The following PPARA variants were observed in gnomAD, a reference collection of about 807,000 sequenced individuals.
The protein encoded by PPARA is peroxisome proliferator activated receptor alpha.
In PPARA, 22 loss-of-function variants were observed where a neutral mutation model predicts 42.2. The observed-to-expected ratio is 0.52, with a 90% CI of 0.37 to 0.74. The LOEUF (loss-of-function observed/expected upper bound fraction) is 0.74. PPARA is among the 30% of genes least tolerant of loss of function. PPARA has a pLI of 0.00. For missense variants in PPARA, 465 were observed against 608.2 expected, an observed-to-expected ratio of 0.76 and a Z score of 2.48; for synonymous variants, 242 against 239.3, an observed-to-expected ratio of 1.01 and a Z score of -0.10.
Position 46,174,642 on chromosome 22 carries a change from C to T in PPARA, c.-126-2111C>T, listed in dbSNP as rs1004364223. Reference sequence around the variant, plus strand: ...GAACAGCCTGGGAAACATAGTGAGACCCTGTCTCTACAAAAATTTAAAAAA... The same window carrying T: ...GAACAGCCTGGGAAACATAGTGAGATCCTGTCTCTACAAAAATTTAAAAAA... On this transcript the variant is annotated intron_variant, in intron 2 of 8. Transcript: ENST00000407236. 1.3e-4 allele frequency among the ~76,000 whole-genome samples: 20 copies of T among 151,586 alleles called. 1 individual carries two copies. Among genetic ancestry groups the T allele is most frequent in the African/African-American group, 4.9e-4 (20 of 40,944 alleles).
Position 46,161,294 on chromosome 22 carries a change from C to T in PPARA, c.-127+9324C>T, listed in dbSNP as rs1926128805. 6.6e-6 allele frequency among the ~76,000 whole-genome samples: 1 copy of T among 152,156 alleles called. No individual in the cohort carries two copies. The highest frequency in any genetic ancestry group is 6.5e-5 in the Admixed American group (1 of 15,272). On this transcript the variant is annotated intron_variant, in intron 2 of 8. Coordinates refer to ENST00000407236, the MANE Select transcript of PPARA (RefSeq NM_005036.6). This position sits in a 1 kb window ranked among gnomAD's most constrained non-coding sequence, Gnocchi z 4.8. ...TGTGTGCCCAATTATGGTATCAGGT[C>T]TGTTGTAGACTCTTCAAGGAGGAAG...
chr22:46,179,881 A>C lies in PPARA; in HGVS notation c.-43+3045A>C, dbSNP rs564912004. On this transcript the variant is annotated intron_variant, in intron 3 of 8. Transcript: ENST00000407236. Reference sequence around the variant, plus strand: ...AAACTCACCTAGAAGAAAATAACCCAGTTTTAAAAATGGGCAAGAGATCTG... The same window carrying C: ...AAACTCACCTAGAAGAAAATAACCCCGTTTTAAAAATGGGCAAGAGATCTG... 2.6e-5 allele frequency among the ~76,000 whole-genome samples: 4 copies of C among 152,358 alleles called. No homozygotes were observed. In the South Asian group the frequency reaches 8.3e-4, roughly 32 times the overall value.
rs1356360489 is a variant in PPARA, at chr22:46,216,150, A to C, written c.369+817A>C. On this transcript the variant is annotated intron_variant, in intron 5 of 8. Coordinates refer to ENST00000407236, the MANE Select transcript of PPARA (RefSeq NM_005036.6). This position sits in a 1 kb window ranked among gnomAD's most constrained non-coding sequence, Gnocchi z 4.5. ...ATAATCTCAGCACTTTGGGAGGCCGAGGCGGCTGGATCACCTGAGGTCAGG... is the reference window on the plus strand; with the variant it reads ...ATAATCTCAGCACTTTGGGAGGCCGCGGCGGCTGGATCACCTGAGGTCAGG... Among the ~76,000 whole-genome samples, 6 of 152,120 alleles carry C rather than the reference A, an allele frequency of 3.9e-5. No homozygotes were observed. The highest frequency in any genetic ancestry group is 8.8e-5 in the Non-Finnish European group (6 of 68,014).
At chr22:46,169,477 G>A (rs1238355308) in intron 2 of PPARA, among the ~76,000 whole-genome samples, 8 of 151,726 alleles carry the variant, frequency 5.3e-5, no homozygotes, top group Non-Finnish European at 1.2e-4. Context: ...GTCGTGATCT[G>A]CCCGCCTCGG....
chr22:46,191,628 G>A lies in PPARA; in HGVS notation c.-42-6714G>A, dbSNP rs144786979. Among the ~76,000 whole-genome samples, 145 of 151,980 alleles carry A rather than the reference G, an allele frequency of 9.5e-4. No individual in the cohort carries two copies. The highest frequency in any genetic ancestry group is 3.2e-3 in the African/African-American group (133 of 41,434). On this transcript the variant is annotated intron_variant, in intron 3 of 8. Coordinates refer to ENST00000407236, the MANE Select transcript of PPARA (RefSeq NM_005036.6). This position sits in a 1 kb window ranked among gnomAD's most constrained non-coding sequence, Gnocchi z 4.6. ...TATCCATTACATTTTTGTAGTCTTC[G>A]GACACACTGTGTGTGCCGCTTTGCC...
chr22:46,220,120 C>A, intron 7 of PPARA, 106 bp downstream of exon 7: 1 of 1,287,576 alleles, frequency 7.8e-7, no homozygotes, highest in Non-Finnish European at 1.1e-6. Context: ...ATATTTATCC[C>A]ACAGTTAAGC....
At chr22:46,157,099 CCT>C (rs954396009) in intron 2 of PPARA, among the ~76,000 whole-genome samples, 32 of 152,290 alleles carry the variant, frequency 2.1e-4, no homozygotes, top group African/African-American at 7.0e-4. Context: ...TGCCTGCACC[CCT>C]GTTTCTGTTA....
At position 46,188,759 on chromosome 22, in the gene PPARA, G is replaced by C. The variant is rs1931158795; in HGVS notation, c.-42-9583G>C. ...CCTGTCCCAGTGCACTGGGGCTGTG[G>C]ATCCCTTCAAAGCTGAGATTGCCTG... is the stretch of plus-strand genomic sequence containing the variant. On this transcript the variant is annotated intron_variant, in intron 3 of 8. Coordinates refer to ENST00000407236, the MANE Select transcript of PPARA (RefSeq NM_005036.6). The surrounding 1 kb of genome is among the most constrained non-coding windows in gnomAD (Gnocchi z 5.0). 1 of 152,152 alleles carries C rather than the reference G, an allele frequency of 6.6e-6. No individual in the cohort carries two copies. Among genetic ancestry groups the C allele is most frequent in the African/African-American group, 2.4e-5 (1 of 41,424 alleles). The allele number at this position is 152,152 out of a possible 1,614,324, so 9.4% of individuals were successfully genotyped here. A position where few individuals can be genotyped will look rare whatever the true frequency, so the allele number is the denominator to read the frequency against.
At chr22:46,170,818 C>T (rs1927903575) in intron 2 of PPARA, among the ~76,000 whole-genome samples, 1 of 151,496 alleles carries the variant, frequency 6.6e-6, no homozygotes. Flanking sequence ...GTACTGCCCC[C>T]CAAATGTGTA....
In PPARA at chr22:46,200,403, C is replaced by G. The variant is rs1932783678; in HGVS notation, c.208+1812C>G. Among the ~76,000 whole-genome samples, 1 of 152,272 alleles carries G rather than the reference C, an allele frequency of 6.6e-6. No homozygotes were observed. Among genetic ancestry groups the G allele is most frequent in the South Asian group, 2.1e-4 (1 of 4,836 alleles). ...CAGCCTGTTGCTCCAAGGCACGCACCTGTACAGCGTGTTACTGTACTGAAC... is the reference window on the plus strand; with the variant it reads ...CAGCCTGTTGCTCCAAGGCACGCACGTGTACAGCGTGTTACTGTACTGAAC... On this transcript the variant is annotated intron_variant, in intron 4 of 8. Transcript: ENST00000407236. The surrounding 1 kb of genome is among the most constrained non-coding windows in gnomAD (Gnocchi z 4.8).
chr22:46,235,220 A>C lies in PPARA; in HGVS notation c.1247A>C (p.His416Pro), dbSNP rs1402568720. The C allele has an allele frequency of 6.2e-7, 1 of 1,614,018 alleles. No individual in the cohort carries two copies. The highest frequency in any genetic ancestry group is 8.5e-7 in the Non-Finnish European group (1 of 1,179,984). Residue 416 changes from histidine (H) to proline (P), a missense_variant, in exon 9 of 9, where the codon CAC (histidine) becomes CCC (proline). His to Pro is a moderately conservative substitution (Grantham distance 77, BLOSUM62 -2). This residue lies in a region of PPARA where 313 missense variants were observed against 469.1 expected (regional missense o/e 0.67). Transcript: ENST00000407236. The surrounding 1 kb of genome is among the most constrained non-coding windows in gnomAD (Gnocchi z 7.0). ...HVLRLHLQSN[H>P]PDDIFLFPKL... ...CTCAGACTCCACCTGCAGAGCAACC[A>C]CCCGGACGATATCTTTCTCTTCCCA...
rs1217400303 is a variant in PPARA at position 46,240,901 on chromosome 22, C to T, written c.*5521C>T. The T allele has an allele frequency of 6.6e-6, 1 of 152,268 alleles. No individual in the cohort carries two copies. The highest frequency in any genetic ancestry group is 2.4e-5 in the African/African-American group (1 of 41,470). 9.4% of individuals were successfully genotyped at this position (152,268 alleles called of 1,614,324 possible). ...GATGGCTGCTGTCATTCAAGCCCAT[C>T]TTCAGACGTCACAGTCTGGAAGTGA... is the stretch of plus-strand genomic sequence containing the variant. On this transcript the variant is annotated 3_prime_UTR_variant, in exon 9 of 9. Transcript: ENST00000407236. This position sits in a 1 kb window ranked among gnomAD's most constrained non-coding sequence, Gnocchi z 6.0.
intron 7 of PPARA, among the ~76,000 whole-genome samples, chr22:46,223,303 T>C (rs12170204): frequency 0.049 from 7,456 of 152,130 alleles, 562 homozygotes; most frequent in African/African-American, 0.16. Flanking sequence ...GAGGGTCACA[T>C]GCAGCAACTA....
intron 2 of PPARA, among the ~76,000 whole-genome samples, chr22:46,172,948 T>C (rs1714054058): frequency 2.6e-5 from 4 of 152,204 alleles, no homozygotes; most frequent in Admixed American, 2.0e-4. Flanking sequence ...AGATTTCCTG[T>C]TCTGTCTTAT....
At chr22:46,220,868 G>A (rs183164934) in intron 7 of PPARA, among the ~76,000 whole-genome samples, 76 of 151,982 alleles carry the variant, frequency 5.0e-4, no homozygotes, top group East Asian at 3.9e-4. Flanking sequence ...GCTTCAACCC[G>A]GGAGGCAGAG....
chr22:46,158,682 G>A (rs561798955), intron 2 of PPARA, among the ~76,000 whole-genome samples: 2 of 152,316 alleles, frequency 1.3e-5, no homozygotes, highest in South Asian at 4.1e-4. Context: ...TGGAAGAAAT[G>A]GTAATAGGGA....
rs1933054489 is a variant in PPARA at position 46,204,695 on chromosome 22, T to G, written c.208+6104T>G. ...TTTCTGTTCAAAGCCTTTGCTCATT[T>G]TTTAATTGAGTTGCTTTTCTACTAT... On this transcript the variant is annotated intron_variant, in intron 4 of 8. Coordinates refer to ENST00000407236, the MANE Select transcript of PPARA (RefSeq NM_005036.6). The surrounding 1 kb of genome is among the most constrained non-coding windows in gnomAD (Gnocchi z 5.2). Among the ~76,000 whole-genome samples the G allele has an allele frequency of 6.6e-6, 1 of 152,220 alleles. No individual in the cohort carries two copies. The highest frequency in any genetic ancestry group is 1.5e-5 in the Non-Finnish European group (1 of 68,040).
rs972367880 is a variant in PPARA at position 46,241,497 on chromosome 22, G to C, written c.*6117G>C. ...TCTTAAACGTTATTTCAGTGGCATG[G>C]GCTGGAAGCTTATCACAAAAAGCCA... On this transcript the variant is annotated 3_prime_UTR_variant, in exon 9 of 9. Transcript: ENST00000407236. The surrounding 1 kb of genome is among the most constrained non-coding windows in gnomAD (Gnocchi z 5.7). The C allele has an allele frequency of 6.6e-6, 1 of 152,166 alleles. No individual in the cohort carries two copies. Among genetic ancestry groups the C allele is most frequent in the Non-Finnish European group, 1.5e-5 (1 of 68,024 alleles). 9.4% of individuals were successfully genotyped at this position (152,166 alleles called of 1,614,324 possible). A position where few individuals can be genotyped will look rare whatever the true frequency, so the allele number is the denominator to read the frequency against.
chr22:46,207,677 A>ATTTTTTTTTT (rs764662561), intron 4 of PPARA, among the ~76,000 whole-genome samples: 7 of 50,722 alleles, frequency 1.4e-4, no homozygotes, highest in Non-Finnish European at 2.3e-4. Context: ...TATTATTATT[A>ATTTTTTTTTT]TTTTTTTTTT....
Sources: allele counts gnomAD v4.1 joint callset (sites outside exome capture counted in the v4.1 genomes callset), GRCh38; gene constraint gnomAD v4.1.1; regional missense constraint gnomAD v4.1.1; non-coding constraint Gnocchi (gnomAD v3.1); transcripts MANE v1.5; gene names NCBI Gene and HGNC (gene_info 2026-07-23, HGNC 2026-07-21).